The following PDE1A variants were observed in gnomAD, a reference collection of about 807,000 sequenced individuals.
The protein encoded by PDE1A is phosphodiesterase 1A.
Under a neutral mutation model 61.7 loss-of-function variants are expected in PDE1A, and 35 were observed. The observed-to-expected ratio is 0.57, with a 90% CI of 0.43 to 0.75. The LOEUF (loss-of-function observed/expected upper bound fraction) is 0.75. Among genes scored for constraint, PDE1A ranks in the 30% least tolerant of loss-of-function variants. The pLI, the probability that PDE1A is intolerant of heterozygous loss-of-function variation, is 0.00. For synonymous variants in PDE1A, 232 were observed against 213.2 expected, an observed-to-expected ratio of 1.09 and a Z score of -0.77; for missense variants, 597 against 630.6, an observed-to-expected ratio of 0.95 and a Z score of 0.57.
At chr2:182,485,452 A>ATGATGAC (rs1687957159) in intron 2 of PDE1A, among the ~76,000 whole-genome samples, 1 of 152,064 alleles carries the variant, frequency 6.6e-6, no homozygotes, top group South Asian at 2.1e-4. Context: ...TAATCTGTAC[A>ATGATGAC]ACAAACCCCC....
chr2:182,491,388 G>A (rs1250822175), intron 2 of PDE1A, among the ~76,000 whole-genome samples: 4 of 152,152 alleles, frequency 2.6e-5, no homozygotes, highest in African/African-American at 9.7e-5. Context: ...AGCTTCTTGG[G>A]GGGACATGGG....
the PDE1A span, among the ~76,000 whole-genome samples, chr2:182,645,489 A>C: frequency 6.6e-6 from 1 of 152,198 alleles, no homozygotes; most frequent in Admixed American, 6.5e-5. Context: ...TTCAAAACAC[A>C]TCAATAACAC....
At chr2:182,682,585 G>T in the PDE1A span, among the ~76,000 whole-genome samples, 26 of 152,240 alleles carry the variant, frequency 1.7e-4, no homozygotes, top group Non-Finnish European at 3.2e-4. Context: ...AAGACTGGGA[G>T]GCTTAGTTTC....
chr2:182,677,260 CA>C, the PDE1A span, among the ~76,000 whole-genome samples: 1 of 152,164 alleles, frequency 6.6e-6, no homozygotes, highest in African/African-American at 2.4e-5. Context: ...CATTCCTATA[CA>C]CCAACAACAA....
chr2:182,283,274 T>C (rs2125858607), intron 1 of PDE1A, among the ~76,000 whole-genome samples: 1 of 152,128 alleles, frequency 6.6e-6, no homozygotes, highest in Admixed American at 6.6e-5. Context: ...ATAAAGTGAT[T>C]CTGATGTAAT....
chr2:182,328,321 T>G lies in PDE1A; in HGVS notation c.54-63907A>C, dbSNP rs375449258. 2.1e-4 allele frequency among the ~76,000 whole-genome samples: 32 copies of G among 152,312 alleles called. 1 individual carries two copies. The South Asian group carries it at 6.6e-3, about 32-fold the overall frequency. ...TTTTTATTCAATGACACCACCAAAGTGCTGGTGTGAATCATTTAAAAGTTC... is the reference window on the plus strand; with the variant it reads ...TTTTTATTCAATGACACCACCAAAGGGCTGGTGTGAATCATTTAAAAGTTC... On this transcript the variant is annotated intron_variant, in intron 1 of 13. Transcript: ENST00000351439.
At chr2:182,168,624 C>A (rs1218559890) in intron 13 of PDE1A, among the ~76,000 whole-genome samples, 2 of 152,056 alleles carry the variant, frequency 1.3e-5, no homozygotes, top group African/African-American at 4.8e-5. Context: ...CAGACACTCT[C>A]AGAATCTAAT....
At position 182,517,843 on chromosome 2, in the gene PDE1A, A is replaced by C. The variant is rs549469133; in HGVS notation, c.101+4433T>G. On this transcript the variant is annotated intron_variant, in intron 2 of 14. Coordinates refer to the PDE1A transcript ENST00000410103. ...CCACTAAATGCAGAAACACCTTGCCATCACTGCAACCACCAGAAACTTCCC... is the reference window on the plus strand; with the variant it reads ...CCACTAAATGCAGAAACACCTTGCCCTCACTGCAACCACCAGAAACTTCCC... Among the ~76,000 whole-genome samples the C allele has an allele frequency of 2.6e-5, 4 of 152,318 alleles. No individual in the cohort carries two copies. The East Asian group carries it at 7.7e-4, about 29-fold the overall frequency.
chr2:182,688,346 A>G, the PDE1A span, among the ~76,000 whole-genome samples: 5 of 152,214 alleles, frequency 3.3e-5, no homozygotes, highest in African/African-American at 1.2e-4. Context: ...GAAACTCTAC[A>G]AGCCAGAAAA....
At chr2:182,523,529 TTTC>T (rs1319778563), upstream of PDE1A, among the ~76,000 whole-genome samples, 8 of 152,202 alleles carry the variant, frequency 5.3e-5, no homozygotes, top group African/African-American at 1.7e-4. Context: ...ATAAACAATA[TTTC>T]TTCTTGTTTG....
At chr2:182,411,103 C>T (rs1303011395) in intron 1 of PDE1A, among the ~76,000 whole-genome samples, 1 of 152,198 alleles carries the variant, frequency 6.6e-6, no homozygotes, top group Non-Finnish European at 1.5e-5. Flanking sequence ...ATGTTCGTTG[C>T]CAACACCCTA....
At chr2:182,296,533 T>G (rs929506092) in intron 1 of PDE1A, among the ~76,000 whole-genome samples, 6 of 152,196 alleles carry the variant, frequency 3.9e-5, no homozygotes, top group Non-Finnish European at 7.3e-5. Context: ...GACCTTTCCC[T>G]AAGGGCATAG....
chr2:182,386,454 G>A (rs988201064), intron 1 of PDE1A, among the ~76,000 whole-genome samples: 10 of 151,076 alleles, frequency 6.6e-5, no homozygotes, highest in Admixed American at 3.3e-4. Flanking sequence ...CCTCTGCCCC[G>A]GCGCCCTGTC....
chr2:182,165,163 G>A (rs1029614431), downstream of PDE1A, among the ~76,000 whole-genome samples: 1 of 152,086 alleles, frequency 6.6e-6, no homozygotes, highest in African/African-American at 2.4e-5. Context: ...GGAGTCATAG[G>A]TCCAGGAATC....
intron 2 of PDE1A, among the ~76,000 whole-genome samples, chr2:182,244,367 TAAA>T (rs72140380): frequency 1.3e-5 from 2 of 150,678 alleles, no homozygotes; most frequent in Non-Finnish European, 3.0e-5. Flanking sequence ...TTTCTTTTTT[TAAA>T]AAAACTTTAA....
At chr2:182,344,748 TCTCA>T (rs1698413217) in intron 1 of PDE1A, among the ~76,000 whole-genome samples, 17 of 96,652 alleles carry the variant, frequency 1.8e-4, no homozygotes, top group African/African-American at 9.2e-4. Context: ...TCTCTCTCTC[TCTCA>T]CACACACACA....
At chr2:182,537,577 C>T in the PDE1A span, among the ~76,000 whole-genome samples, 1 of 151,950 alleles carries the variant, frequency 6.6e-6, no homozygotes, top group Non-Finnish European at 1.5e-5. Flanking sequence ...CAGCAAACCA[C>T]CATGGCACGG....
At chr2:182,408,273 C>A (rs1242853874) in intron 1 of PDE1A, among the ~76,000 whole-genome samples, 1 of 150,818 alleles carries the variant, frequency 6.6e-6, no homozygotes, top group Admixed American at 6.6e-5. Context: ...AAATGACATA[C>A]CTGGACTACC....
At chr2:182,409,663 A>G (rs1229124600) in intron 1 of PDE1A, among the ~76,000 whole-genome samples, 1 of 152,154 alleles carries the variant, frequency 6.6e-6, no homozygotes, top group Non-Finnish European at 1.5e-5. Flanking sequence ...ATTCATAGCA[A>G]TTGAATGAAT....
Sources: gnomAD v4.1 joint callset for allele counts (sites outside exome capture counted in the v4.1 genomes callset) on GRCh38, gnomAD v4.1.1 for gene constraint, MANE v1.5 for transcripts, NCBI Gene and HGNC (gene_info 2026-07-23, HGNC 2026-07-21) for gene names.